TOX3: variants seen among roughly 807,000 people sequenced by gnomAD.
TOX3 encodes TOX high mobility group box family member 3.
Under a neutral mutation model 64.3 loss-of-function variants are expected in TOX3, and 22 were observed. That is an observed-to-expected ratio of 0.34 (90% CI 0.24 to 0.49). The LOEUF (loss-of-function observed/expected upper bound fraction) is 0.49. TOX3 is among the 20% of genes least tolerant of loss of function. TOX3 has a pLI of 0.99. For missense variants in TOX3, 661 were observed against 714.4 expected (o/e 0.93, Z 0.85); for synonymous variants, 291 against 273.6 (o/e 1.06, Z -0.63).
chr16:52,453,494 T>C (rs2859796), intron 3 of TOX3, among the ~76,000 whole-genome samples: 31,877 of 152,128 alleles, frequency 0.21, 4,339 homozygotes, highest in East Asian at 0.72. Context: ...CAGAATGCTT[T>C]TTAAAAATCT....
At position 52,444,499 on chromosome 16, in the gene TOX3, GCACA is replaced by G. The variant is rs200173557; in HGVS notation, c.907-147_907-144del. 9.5e-3 allele frequency: 3,618 copies of G among 379,324 alleles called. 6 individuals are homozygous for G. Among genetic ancestry groups the G allele is most frequent in the Middle Eastern group, 0.021 (30 of 1,404 alleles). 23.5% of individuals were successfully genotyped at this position (379,324 alleles called of 1,614,324 possible). The stretch of plus-strand genomic sequence containing the variant: ...CTTTGATTTTTAAATGTTAGCGCAT[GCACA>G]CACACACACACACACACACACACAC... On this transcript the variant is annotated intron_variant, in intron 5 of 6. Transcript: ENST00000219746.
At chr16:52,527,870 G>A (rs1435408609) in intron 1 of TOX3, among the ~76,000 whole-genome samples, 1 of 152,154 alleles carries the variant, frequency 6.6e-6, no homozygotes. Flanking sequence ...TCTGAACCAG[G>A]GGACGTTCGG....
At chr16:52,513,582 A>G (rs1195369499) in intron 1 of TOX3, among the ~76,000 whole-genome samples, 1 of 152,198 alleles carries the variant, frequency 6.6e-6, no homozygotes, top group Non-Finnish European at 1.5e-5. Flanking sequence ...GGGCTGAGTA[A>G]ATGTTAGTTT....
At chr16:52,476,431 A>G (rs1961209043) in intron 1 of TOX3, among the ~76,000 whole-genome samples, 1 of 152,338 alleles carries the variant, frequency 6.6e-6, no homozygotes, top group Middle Eastern at 3.4e-3. Context: ...GAAAACAAAT[A>G]TAAGTAGAAG....
intron 3 of TOX3, among the ~76,000 whole-genome samples, chr16:52,457,694 A>G (rs542871357): frequency 6.6e-6 from 1 of 152,290 alleles, no homozygotes; most frequent in Non-Finnish European, 1.5e-5. Context: ...TTTTATTTCC[A>G]AATTAACAAC....
At chr16:52,526,534 G>A (rs1170053506) in intron 1 of TOX3, among the ~76,000 whole-genome samples, 2 of 151,838 alleles carry the variant, frequency 1.3e-5, no homozygotes, top group African/African-American at 4.8e-5. Context: ...TGAAATCGTT[G>A]GTCGGCAGGG....
intron 2 of TOX3, among the ~76,000 whole-genome samples, chr16:52,465,334 C>T (rs1960829265): frequency 6.6e-6 from 1 of 151,794 alleles, no homozygotes. Context: ...TTCTTAAAGG[C>T]AGTGTTTTAA....
chr16:52,538,197 C>A (rs544756845), intron 1 of TOX3, among the ~76,000 whole-genome samples: 1 of 152,078 alleles, frequency 6.6e-6, no homozygotes, highest in Non-Finnish European at 1.5e-5. Context: ...ATGGATCTAC[C>A]GAGTATATTT....
chr16:52,486,399 C>A (rs1259497728), intron 1 of TOX3, among the ~76,000 whole-genome samples: 1 of 152,170 alleles, frequency 6.6e-6, no homozygotes, highest in African/African-American at 2.4e-5. Context: ...TGAAATAGAT[C>A]TGTTGGGTTC....
intron 3 of TOX3, among the ~76,000 whole-genome samples, chr16:52,462,841 CAAA>C (rs1019960310): frequency 7.4e-6 from 1 of 135,266 alleles, no homozygotes; most frequent in Non-Finnish European, 1.6e-5. Flanking sequence ...CTTTTCTGAC[CAAA>C]AAAAAAAAAG....
At chr16:52,488,824 T>C (rs1330438708) in intron 1 of TOX3, among the ~76,000 whole-genome samples, 1 of 152,138 alleles carries the variant, frequency 6.6e-6, no homozygotes, top group African/African-American at 2.4e-5. Flanking sequence ...GACATAAGCA[T>C]CAAAAATGTC....
intron 1 of TOX3, among the ~76,000 whole-genome samples, chr16:52,526,109 A>T (rs1000811625): frequency 1.3e-5 from 2 of 152,194 alleles, no homozygotes; most frequent in African/African-American, 4.8e-5. Context: ...CCCAAGTTTA[A>T]TTACCCCAGA....
chr16:52,515,441 T>A (rs537886940), intron 1 of TOX3, among the ~76,000 whole-genome samples: 41 of 152,342 alleles, frequency 2.7e-4, no homozygotes, highest in African/African-American at 9.6e-4. Context: ...CATAGCTGGC[T>A]GCATGTACTT....
intron 1 of TOX3, among the ~76,000 whole-genome samples, chr16:52,473,325 C>T (rs1961103892): frequency 6.6e-6 from 1 of 151,820 alleles, no homozygotes; most frequent in Non-Finnish European, 1.5e-5. Flanking sequence ...GCATTAACTA[C>T]AGGGTCTCAA....
In TOX3 at chr16:52,546,992, G is replaced by T; in HGVS notation, c.-269C>A. Reference sequence around the variant, plus strand: ...ACCGAGGCAGCGCTGCGCGCGGGCCGGGCGCCGGGGGCGCGGGGCGCGGCG... The same window carrying T: ...ACCGAGGCAGCGCTGCGCGCGGGCCTGGCGCCGGGGGCGCGGGGCGCGGCG... On this transcript the variant is annotated 5_prime_UTR_variant, in exon 1 of 7. Transcript: ENST00000219746. 1 of 972,054 alleles carries T rather than the reference G, an allele frequency of 1.0e-6. No individual in the cohort carries two copies. The highest frequency in any genetic ancestry group is 1.2e-6 in the Non-Finnish European group (1 of 820,536). 60.2% of individuals were successfully genotyped at this position (972,054 alleles called of 1,614,324 possible).
chr16:52,443,657 T>C (rs1421433141), intron 6 of TOX3, among the ~76,000 whole-genome samples: 2 of 152,198 alleles, frequency 1.3e-5, no homozygotes, highest in Non-Finnish European at 2.9e-5. Flanking sequence ...AATTAAATGT[T>C]AATATCATGT....
intron 1 of TOX3, among the ~76,000 whole-genome samples, chr16:52,524,357 T>G (rs1284651187): frequency 6.6e-6 from 1 of 152,198 alleles, no homozygotes; most frequent in Non-Finnish European, 1.5e-5. Context: ...GAAAATGATA[T>G]ATTAAAAATG....
intron 3 of TOX3, among the ~76,000 whole-genome samples, chr16:52,462,524 C>G (rs1220606776): frequency 6.6e-6 from 1 of 151,914 alleles, no homozygotes; most frequent in Non-Finnish European, 1.5e-5. Context: ...AAATATTTAC[C>G]AATTTAAGAA....
At chr16:52,529,917 T>C (rs1302874777) in intron 1 of TOX3, among the ~76,000 whole-genome samples, 1 of 152,196 alleles carries the variant, frequency 6.6e-6, no homozygotes, top group Non-Finnish European at 1.5e-5. Flanking sequence ...AGTGTGCAAT[T>C]CAATAAAGCA....
Sources: gnomAD v4.1 joint callset for allele counts (sites outside exome capture counted in the v4.1 genomes callset) on GRCh38, gnomAD v4.1.1 for gene constraint, MANE v1.5 for transcripts, NCBI Gene and HGNC (gene_info 2026-07-23, HGNC 2026-07-21) for gene names.